The following APAF1 variants were observed in gnomAD, a reference collection of about 807,000 sequenced individuals.
APAF1 encodes apoptotic peptidase activating factor 1.
In APAF1, 91 loss-of-function variants were observed where a neutral mutation model predicts 152.4. That is an observed-to-expected ratio of 0.60 (90% CI 0.50 to 0.71). The LOEUF is 0.71. Among genes scored for constraint, APAF1 ranks in the 30% least tolerant of loss-of-function variants. The pLI, the probability that APAF1 is intolerant of heterozygous loss-of-function variation, is 0.00. For synonymous variants in APAF1, 484 were observed against 494.1 expected (o/e 0.98, Z 0.27); for missense variants, 1,283 against 1,472.0 (o/e 0.87, Z 2.10).
At chr12:98,684,508 A>G (rs75026831) in intron 15 of APAF1, among the ~76,000 whole-genome samples, 13 of 61,246 alleles carry the variant, frequency 2.1e-4, no homozygotes, top group African/African-American at 7.9e-4. Flanking sequence ...TCCTCCCCCC[A>G]CCCCCCCTCT....
intron 16 of APAF1, among the ~76,000 whole-genome samples, chr12:98,693,000 C>T (rs537811184): frequency 2.6e-4 from 39 of 152,176 alleles, no homozygotes; most frequent in African/African-American, 9.2e-4. Context: ...AATTTACATT[C>T]CCACCAGCAG....
chr12:98,718,755 C>T (rs541422123), intron 22 of APAF1, among the ~76,000 whole-genome samples: 4 of 152,012 alleles, frequency 2.6e-5, no homozygotes, highest in African/African-American at 9.6e-5. Flanking sequence ...GGCAACATAG[C>T]GAGACCCCAT....
chr12:98,677,414 C>G lies in APAF1; in HGVS notation c.1794-11C>G. On this transcript the variant is annotated splice_polypyrimidine_tract_variant and intron_variant, in intron 12 of 26. Coordinates refer to ENST00000551964, the MANE Select transcript of APAF1 (RefSeq NM_181861.2). Reference sequence around the variant, plus strand: ...TTATTTAATTTCTGTTCATTTTTTCCCTGTATTTAGAAACAAAAAAAACAT... The same window carrying G: ...TTATTTAATTTCTGTTCATTTTTTCGCTGTATTTAGAAACAAAAAAAACAT... 1 of 1,612,540 alleles carries G rather than the reference C, an allele frequency of 6.2e-7. No homozygotes were observed. Among genetic ancestry groups the G allele is most frequent in the Non-Finnish European group, 8.5e-7 (1 of 1,179,246 alleles).
intron 12 of APAF1, among the ~76,000 whole-genome samples, chr12:98,676,715 T>C (rs1593053555): frequency 6.6e-6 from 1 of 151,780 alleles, no homozygotes; most frequent in Non-Finnish European, 1.5e-5. Context: ...GGCGCGATCT[T>C]GGCTCACTGC....
intron 20 of APAF1, among the ~76,000 whole-genome samples, chr12:98,709,396 C>T (rs983295055): frequency 6.6e-6 from 1 of 152,070 alleles, no homozygotes; most frequent in Non-Finnish European, 1.5e-5. Flanking sequence ...CCCAAAGATC[C>T]ATTGGCAGAG....
rs1447748369 is a variant in APAF1 at position 98,712,427 on chromosome 12, G to A, written c.2950G>A (p.Ala984Thr). 6.4e-7 allele frequency: 1 copy of A among 1,573,714 alleles called. No individual in the cohort carries two copies. The change falls in exon 21 of 27, where the codon GCC (alanine) becomes ACC (threonine). Residue 984 changes from alanine (A) to threonine (T), a missense_variant. Physicochemically the swap from Ala to Thr is moderately conservative, Grantham distance 58. Transcript: ENST00000551964. ...QYIAFGDENG[A>T]IEILELVNNR... is the part of the protein sequence containing the mutation. ...CATTGCATTTGGAGATGAAAATGGAGCCATTGAGGTATTCAGTGCTAGTCT... is the reference window on the plus strand; with the variant it reads ...CATTGCATTTGGAGATGAAAATGGAACCATTGAGGTATTCAGTGCTAGTCT...
chr12:98,676,268 G>A (rs1193084336), intron 12 of APAF1, among the ~76,000 whole-genome samples: 1 of 152,074 alleles, frequency 6.6e-6, no homozygotes, highest in Non-Finnish European at 1.5e-5. Flanking sequence ...GGAGTGCAGT[G>A]GTATGATCTT....
chr12:98,648,026 G>T (rs1234385796), intron 1 of APAF1, among the ~76,000 whole-genome samples: 1 of 151,998 alleles, frequency 6.6e-6, no homozygotes, highest in Non-Finnish European at 1.5e-5. Context: ...ATGTCTCCTT[G>T]AAGTAAATCC....
intron 17 of APAF1, among the ~76,000 whole-genome samples, chr12:98,702,930 A>C (rs1352901164): frequency 6.6e-6 from 1 of 151,960 alleles, no homozygotes; most frequent in African/African-American, 2.4e-5. Context: ...ACTATAATGG[A>C]GCAATTTGGT....
chr12:98,699,842 C>T (rs945387160), intron 17 of APAF1, among the ~76,000 whole-genome samples: 2 of 152,138 alleles, frequency 1.3e-5, no homozygotes, highest in Non-Finnish European at 2.9e-5. Flanking sequence ...ATTCAGGGCC[C>T]CAGGAAGTCC....
rs1426727139 is a variant in APAF1 at position 98,659,237 on chromosome 12, C to G, written c.604C>G (p.Leu202Val). ...KSGLLMKLQN[L>V]CTRLDQDESF... ...TGGGCTTCTGATGAAACTGCAGAAT[C>G]TTTGCACACGGTTGGATCAGGATGA... Residue 202 changes from leucine to valine, a missense_variant, in exon 5 of 27, where the codon CTT (leucine) becomes GTT (valine). By Grantham distance (32) the Leu-to-Val change is conservative. Coordinates refer to ENST00000551964, the MANE Select transcript of APAF1 (RefSeq NM_181861.2). 1.2e-6 allele frequency: 2 copies of G among 1,614,078 alleles called. No homozygotes were observed. Among genetic ancestry groups the G allele is most frequent in the Non-Finnish European group, 1.7e-6 (2 of 1,180,030 alleles).
chr12:98,699,375 A>C, intron 16 of APAF1, 33 bp from the exon 17 acceptor site: 1 of 1,605,462 alleles, frequency 6.2e-7, no homozygotes, highest in Non-Finnish European at 8.5e-7. Flanking sequence ...AGAGTAAAAC[A>C]AACTTTTTCT....
intron 24 of APAF1, among the ~76,000 whole-genome samples, chr12:98,724,982 C>G (rs914148031): frequency 9.8e-5 from 15 of 152,346 alleles, no homozygotes; most frequent in African/African-American, 3.6e-4. Context: ...AGTAATTTCA[C>G]TCTCTATAAT....
intron 5 of APAF1, among the ~76,000 whole-genome samples, chr12:98,659,598 A>G (rs1185869596): frequency 6.6e-6 from 1 of 152,012 alleles, no homozygotes; most frequent in Non-Finnish European, 1.5e-5. Context: ...CTAAACATAC[A>G]AAATTAGCCA....
At chr12:98,706,136 C>T (rs1192718257) in intron 18 of APAF1, among the ~76,000 whole-genome samples, 10 of 152,092 alleles carry the variant, frequency 6.6e-5, no homozygotes. Context: ...TATATAGACT[C>T]TTCTACACTT....
At chr12:98,694,030 G>A (rs1470008597) in intron 16 of APAF1, among the ~76,000 whole-genome samples, 4 of 152,042 alleles carry the variant, frequency 2.6e-5, no homozygotes, top group South Asian at 2.1e-4. Context: ...ATGCGGGAGA[G>A]GACTCTCTAT....
In APAF1 at chr12:98,696,795, C is replaced by T. The variant is rs12304328; in HGVS notation, c.2305-2613C>T. Among the ~76,000 whole-genome samples, 150 of 152,182 alleles carry T rather than the reference C, an allele frequency of 9.9e-4. 1 individual carries two copies. Among genetic ancestry groups the T allele is most frequent in the Non-Finnish European group, 1.6e-3 (108 of 68,012 alleles). ...ACAGACATGAGCCACTGCACCCTGC[C>T]GGGAGTAATCAGTCTTTTCACTTAA... On this transcript the variant is annotated intron_variant, in intron 16 of 26. Coordinates refer to ENST00000551964, the MANE Select transcript of APAF1 (RefSeq NM_181861.2).
chr12:98,680,866 A>C (rs1359830735), intron 14 of APAF1, among the ~76,000 whole-genome samples: 1 of 152,238 alleles, frequency 6.6e-6, no homozygotes, highest in Admixed American at 6.5e-5. Context: ...GAAATCTTTG[A>C]GTGCATTGTG....
intron 16 of APAF1, among the ~76,000 whole-genome samples, chr12:98,692,318 C>T (rs1197174221): frequency 6.6e-6 from 1 of 152,050 alleles, no homozygotes; most frequent in Admixed American, 6.6e-5. Flanking sequence ...CTCCTGACCT[C>T]GTGATCCGCC....
Sources: gnomAD v4.1 joint callset for allele counts (sites outside exome capture counted in the v4.1 genomes callset) on GRCh38, gnomAD v4.1.1 for gene constraint, MANE v1.5 for transcripts, NCBI Gene and HGNC (gene_info 2026-07-23, HGNC 2026-07-21) for gene names.